Variants in EBF1 observed in about 807,000 individuals in gnomAD.
EBF1 encodes the protein transcription factor COE1.
A neutral mutation model predicts 68.4 loss-of-function variants in EBF1; 10 were observed. That is an observed-to-expected ratio of 0.15 (90% CI 0.09 to 0.25). The LOEUF (loss-of-function observed/expected upper bound fraction) is 0.25, where lower values mean the gene tolerates loss of function less well. Among genes scored for constraint, EBF1 ranks in the 10% least tolerant of loss-of-function variants. EBF1 has a pLI of 1.00. For synonymous variants in EBF1, 298 were observed against 299.8 expected, an observed-to-expected ratio of 0.99 and a Z score of 0.06; for missense variants, 509 against 794.4, an observed-to-expected ratio of 0.64 and a Z score of 4.32.
chr5:158,762,592 G>A (rs1449827869), intron 10 of EBF1, among the ~76,000 whole-genome samples: 2 of 152,168 alleles, frequency 1.3e-5, no homozygotes, highest in Non-Finnish European at 2.9e-5. Context: ...CTGGAGTGCA[G>A]TGGCACAATC....
intron 6 of EBF1, among the ~76,000 whole-genome samples, chr5:159,043,785 T>C (rs1333286054): frequency 6.6e-6 from 1 of 152,214 alleles, no homozygotes; most frequent in East Asian, 1.9e-4. Context: ...CATGAGGGCT[T>C]GCAGATGGAA....
rs1582747811 is a variant in EBF1 at position 158,869,914 on chromosome 5, G to T, written c.555-29804C>A. Among the ~76,000 whole-genome samples the T allele has an allele frequency of 2.0e-5, 3 of 152,166 alleles. No homozygotes were observed. The East Asian group carries it at 5.8e-4, about 29-fold the overall frequency. On this transcript the variant is annotated intron_variant, in intron 6 of 15. Transcript: ENST00000313708. ...TATTTATTCCTGCTGTTTTGTTTTG[G>T]GGACCAGGTAGGGAGGCTGTTGAAG... is the stretch of plus-strand genomic sequence containing the variant.
At chr5:158,728,948 T>G (rs1204134584) in intron 11 of EBF1, among the ~76,000 whole-genome samples, 1 of 152,218 alleles carries the variant, frequency 6.6e-6, no homozygotes, top group Non-Finnish European at 1.5e-5. Flanking sequence ...TGATCCCCTA[T>G]GAGTTAGCAT....
At chr5:158,903,870 G>A (rs907171680) in intron 6 of EBF1, among the ~76,000 whole-genome samples, 1 of 152,054 alleles carries the variant, frequency 6.6e-6, no homozygotes, top group African/African-American at 2.4e-5. Context: ...ATATTCCTGA[G>A]GTAATCCTTC....
chr5:158,743,143 G>A (rs566242161), intron 10 of EBF1, among the ~76,000 whole-genome samples: 2 of 152,240 alleles, frequency 1.3e-5, no homozygotes, highest in East Asian at 1.9e-4. Flanking sequence ...ATACAAAACT[G>A]TAGCATTATT....
chr5:158,872,389 G>GT (rs1467881085), intron 6 of EBF1, among the ~76,000 whole-genome samples: 3 of 151,984 alleles, frequency 2.0e-5, no homozygotes, highest in Admixed American at 6.6e-5. Flanking sequence ...TAGAGACAGG[G>GT]TTTTATCATG....
At chr5:159,023,756 A>T (rs1767180648) in intron 6 of EBF1, among the ~76,000 whole-genome samples, 1 of 152,238 alleles carries the variant, frequency 6.6e-6, no homozygotes, top group African/African-American at 2.4e-5. Flanking sequence ...ATCCTAAAAG[A>T]ATAGTCACAA....
At chr5:159,023,472 G>A (rs1293815198) in intron 6 of EBF1, among the ~76,000 whole-genome samples, 1 of 152,102 alleles carries the variant, frequency 6.6e-6, no homozygotes, top group Non-Finnish European at 1.5e-5. Flanking sequence ...TTGTCCCTGT[G>A]CCTCATACTG....
intron 11 of EBF1, among the ~76,000 whole-genome samples, chr5:158,727,871 T>C (rs138242968): frequency 6.6e-6 from 1 of 152,368 alleles, no homozygotes; most frequent in African/African-American, 2.4e-5. Context: ...CATATTATTA[T>C]GGAAAGCTGT....
chr5:158,771,199 T>C (rs1773802758), intron 10 of EBF1, among the ~76,000 whole-genome samples: 1 of 152,128 alleles, frequency 6.6e-6, no homozygotes, highest in South Asian at 2.1e-4. Context: ...TTCAAAAATA[T>C]ATATACCCAC....
At chr5:158,955,603 A>G (rs1816897951) in intron 6 of EBF1, among the ~76,000 whole-genome samples, 1 of 152,228 alleles carries the variant, frequency 6.6e-6, no homozygotes, top group South Asian at 2.1e-4. Context: ...GTCACTTTGG[A>G]AGACTGCTTG....
intron 11 of EBF1, among the ~76,000 whole-genome samples, chr5:158,720,646 T>C (rs1476118685): frequency 1.3e-5 from 2 of 152,200 alleles, no homozygotes; most frequent in Non-Finnish European, 2.9e-5. Flanking sequence ...AAGCCTTTAG[T>C]GTCACACTTT....
intron 6 of EBF1, among the ~76,000 whole-genome samples, chr5:158,873,996 AG>A (rs1797347102): frequency 6.6e-6 from 1 of 152,208 alleles, no homozygotes; most frequent in Admixed American, 6.5e-5. Context: ...AGAAGGCTAG[AG>A]AGAAAATATT....
At chr5:158,872,970 G>A (rs1386896129) in intron 6 of EBF1, among the ~76,000 whole-genome samples, 1 of 148,844 alleles carries the variant, frequency 6.7e-6, no homozygotes, top group Admixed American at 6.7e-5. Context: ...CCTTTGTCCA[G>A]GGCTCTTCAG....
chr5:158,783,380 T>C (rs1487265682), intron 9 of EBF1, among the ~76,000 whole-genome samples: 1 of 152,186 alleles, frequency 6.6e-6, no homozygotes, highest in Non-Finnish European at 1.5e-5. Flanking sequence ...TTCAAAATGT[T>C]AATGGAAGTT....
intron 6 of EBF1, among the ~76,000 whole-genome samples, chr5:158,908,845 A>G (rs930863927): frequency 2.0e-5 from 3 of 152,218 alleles, no homozygotes; most frequent in African/African-American, 7.2e-5. Flanking sequence ...CATGCAGAGC[A>G]CATGCCTTCC....
chr5:158,745,795 G>A (rs1174094152), intron 10 of EBF1, among the ~76,000 whole-genome samples: 1 of 152,156 alleles, frequency 6.6e-6, no homozygotes, highest in Non-Finnish European at 1.5e-5. Context: ...AATAATGTTG[G>A]CTGTTGCTGT....
intron 6 of EBF1, among the ~76,000 whole-genome samples, chr5:158,898,847 G>A (rs1802696467): frequency 6.6e-6 from 1 of 152,240 alleles, no homozygotes; most frequent in East Asian, 1.9e-4. Context: ...GACTGCCTGA[G>A]GTGGTGGTCC....
chr5:159,074,819 T>A lies in EBF1; in HGVS notation c.486-1355A>T, dbSNP rs1778442918. ...TCTGTCTACCTTATAGCCTTTCACCTTCTGATTCAGAGGGAACTATTTCCT... is the reference window on the plus strand; with the variant it reads ...TCTGTCTACCTTATAGCCTTTCACCATCTGATTCAGAGGGAACTATTTCCT... On this transcript the variant is annotated intron_variant, in intron 5 of 15. Transcript: ENST00000313708. 2.0e-5 allele frequency among the ~76,000 whole-genome samples: 3 copies of A among 152,168 alleles called. 1 individual carries two copies. The South Asian group carries it at 6.2e-4, about 32-fold the overall frequency.
Sources: allele counts gnomAD v4.1 joint callset (sites outside exome capture counted in the v4.1 genomes callset), GRCh38; gene constraint gnomAD v4.1.1; transcripts MANE v1.5; gene names NCBI Gene and HGNC (gene_info 2026-07-23, HGNC 2026-07-21).